The following EPHA8 variants were observed in gnomAD, a reference collection of about 807,000 sequenced individuals.
The protein encoded by EPHA8 is ephrin type-A receptor 8.
In EPHA8, 58 loss-of-function variants were observed where a neutral mutation model predicts 103.6. The observed-to-expected ratio is 0.56, with a 90% CI of 0.45 to 0.70. EPHA8 has a LOEUF of 0.70. Ranked by LOEUF, EPHA8 falls within the 30% of genes least tolerant of loss-of-function variation. The pLI is 0.00. For missense variants in EPHA8, 1,304 were observed against 1,395.2 expected (o/e 0.93, Z 1.04); for synonymous variants, 559 against 572.5 (o/e 0.98, Z 0.34).
At chr1:22,596,268 G>A in intron 9 of EPHA8, 95 bp downstream of exon 9, 2 of 1,292,508 alleles carry the variant, frequency 1.5e-6, no homozygotes, top group Non-Finnish European at 2.2e-6. Flanking sequence ...GGAGGAAGGT[G>A]CCCAGTGAAA....
At position 22,568,937 on chromosome 1, in the gene EPHA8, C is replaced by A. The variant is rs188389566; in HGVS notation, c.95-352C>A. Among the ~76,000 whole-genome samples, 85 of 152,364 alleles carry A rather than the reference C, an allele frequency of 5.6e-4. No individual in the cohort carries two copies. The East Asian group carries it at 0.015, about 27-fold the overall frequency. On this transcript the variant is annotated intron_variant, in intron 1 of 16. Coordinates refer to ENST00000166244, the MANE Select transcript of EPHA8 (RefSeq NM_020526.5). ...GTGAGGGGGCTTGCCCAGGGACTCA[C>A]AGCTCCTAAGTGGCACAACTGGGAT...
chr1:22,576,659 A>G lies in EPHA8; in HGVS notation c.602A>G (p.Tyr201Cys), dbSNP rs747263088. The G allele has an allele frequency of 4.3e-6, 7 of 1,613,700 alleles. No individual in the cohort carries two copies. In the African/African-American group the frequency reaches 5.3e-5, roughly 12 times the overall value. Reference sequence around the variant, plus strand: ...GCCATCCTCTCTCTCCGCATCTACTATAAGAAGTGCCCTGCCATGGTGCGC... The same window carrying G: ...GCCATCCTCTCTCTCCGCATCTACTGTAAGAAGTGCCCTGCCATGGTGCGC... Reference protein sequence around the residue: ...CLAILSLRIYYKKCPAMVRNL... With the variant: ...CLAILSLRIYCKKCPAMVRNL... The change falls in exon 3 of 17, where the codon TAT (tyrosine) becomes TGT (cysteine). Residue 201 changes from tyrosine to cysteine, a missense_variant. Coordinates refer to ENST00000166244, the MANE Select transcript of EPHA8 (RefSeq NM_020526.5). This position sits in a 1 kb window ranked among gnomAD's most constrained non-coding sequence, Gnocchi z 4.8.
At position 22,601,342 on chromosome 1, in the gene EPHA8, AG is replaced by A. The variant is rs775776188; in HGVS notation, c.2777del (p.Gly926AlafsTer40). 4.4e-6 allele frequency: 7 copies of A among 1,607,104 alleles called. No individual in the cohort carries two copies. Among genetic ancestry groups the A allele is most frequent in the Admixed American group, 1.7e-5 (1 of 57,834 alleles). ...TCGTCCGGAGCTGCTTTGACCTCCG[AG>A]GGGGCAGCGGTGGCGGTGGGGGCCT... ...AFVRSCFDLR[G>X]GSGGGGGLTV... On this transcript the variant is annotated frameshift_variant, in exon 16 of 17. Transcript: ENST00000166244. LOFTEE classifies it high-confidence loss of function.
chr1:22,579,840 T>C (rs1309798985), intron 3 of EPHA8, among the ~76,000 whole-genome samples: 1 of 152,198 alleles, frequency 6.6e-6, no homozygotes, highest in Non-Finnish European at 1.5e-5. Context: ...GCTGGGAATA[T>C]GCTTCTAGCC....
At chr1:22,583,352 C>T (rs1569992684) in intron 3 of EPHA8, among the ~76,000 whole-genome samples, 1 of 152,348 alleles carries the variant, frequency 6.6e-6, no homozygotes, top group South Asian at 2.1e-4. Flanking sequence ...GGCCTTGACA[C>T]ATTATAGCCA....
At chr1:22,578,739 ATG>A (rs1236421286) in intron 3 of EPHA8, among the ~76,000 whole-genome samples, 9 of 145,352 alleles carry the variant, frequency 6.2e-5, no homozygotes, top group African/African-American at 2.1e-4. Context: ...GTGCAAGTGT[ATG>A]TACGGATTTG....
At chr1:22,579,124 T>C (rs1040534654) in intron 3 of EPHA8, among the ~76,000 whole-genome samples, 22 of 128,070 alleles carry the variant, frequency 1.7e-4, no homozygotes, top group Non-Finnish European at 3.3e-4. Flanking sequence ...TGTACGTGTA[T>C]GTGTGCATGT....
At chr1:22,573,756 G>T (rs1169752060) in intron 2 of EPHA8, among the ~76,000 whole-genome samples, 4 of 152,170 alleles carry the variant, frequency 2.6e-5, no homozygotes, top group African/African-American at 9.7e-5. Context: ...CTCAGCAGCC[G>T]AGGAAGCTAG....
At position 22,598,931 on chromosome 1, in the gene EPHA8, C is replaced by T; in HGVS notation, c.2272C>T (p.His758Tyr). The T allele has an allele frequency of 6.2e-7, 1 of 1,612,800 alleles. No homozygotes were observed. Among genetic ancestry groups the T allele is most frequent in the East Asian group, 2.2e-5 (1 of 44,830 alleles). Residue 758 changes from histidine (H) to tyrosine (Y), a missense_variant, in exon 13 of 17, where the codon CAC becomes TAC. By Grantham distance (83) the His-to-Tyr change is moderately conservative (BLOSUM62 2). Transcript: ENST00000166244. This position sits in a 1 kb window ranked among gnomAD's most constrained non-coding sequence, Gnocchi z 5.1. Reference protein sequence around the residue: ...MRYLSDLGYVHRDLAARNVLV... With the variant: ...MRYLSDLGYVYRDLAARNVLV... ...CTACCTCTCAGACCTGGGCTATGTCCACCGAGACCTGGCCGCCCGCAACGT... is the reference window on the plus strand; with the variant it reads ...CTACCTCTCAGACCTGGGCTATGTCTACCGAGACCTGGCCGCCCGCAACGT...
At chr1:22,585,870 C>T (rs1409377563) in intron 3 of EPHA8, among the ~76,000 whole-genome samples, 5 of 152,192 alleles carry the variant, frequency 3.3e-5, no homozygotes, top group African/African-American at 4.8e-5. Context: ...CCTGGCTCTT[C>T]TAACTCAGCT....
Position 22,594,739 on chromosome 1 carries a change from C to A in EPHA8, c.1604-491C>A, listed in dbSNP as rs893694889. Among the ~76,000 whole-genome samples the A allele has an allele frequency of 1.3e-5, 2 of 152,204 alleles. 1 individual carries two copies. The highest frequency in any genetic ancestry group is 2.9e-5 in the Non-Finnish European group (2 of 68,032). ...CCCTGGAGACCACCCAGATGGGAAT[C>A]CTGAGCCCTCCATCCCATGTACTGT... On this transcript the variant is annotated intron_variant, in intron 7 of 16. Coordinates refer to ENST00000166244, the MANE Select transcript of EPHA8 (RefSeq NM_020526.5).
chr1:22,575,244 C>T (rs551151616), intron 2 of EPHA8, among the ~76,000 whole-genome samples: 10 of 146,730 alleles, frequency 6.8e-5, no homozygotes, highest in Non-Finnish European at 1.0e-4. Context: ...AGCCACCGCA[C>T]CTGGCCTTAT....
Position 22,600,795 on chromosome 1 carries a change from C to T in EPHA8, c.2523C>T (p.Asn841=). 1 of 1,608,206 alleles carries T rather than the reference C, an allele frequency of 6.2e-7. No individual in the cohort carries two copies. The highest frequency in any genetic ancestry group is 1.1e-5 in the South Asian group (1 of 90,198). Residue 841 remains asparagine, a synonymous_variant, in exon 14 of 17, where the codon AAC becomes AAT. Coordinates refer to ENST00000166244, the MANE Select transcript of EPHA8 (RefSeq NM_020526.5). Reference sequence around the variant, plus strand: ...CCTATGGGGAGCGGCCCTACTGGAACATGACCAACCGGGATGTGAGTGCCA... The same window carrying T: ...CCTATGGGGAGCGGCCCTACTGGAATATGACCAACCGGGATGTGAGTGCCA... The part of the protein sequence containing the change: ...VLAYGERPYW[N]MTNRDVISSV...
Position 22,599,040 on chromosome 1 carries a change from C to T in EPHA8, c.2381C>T (p.Thr794Ile), listed in dbSNP as rs1641604711. The change falls in exon 13 of 17, where the codon ACC becomes ATC. Residue 794 changes from threonine (T) to isoleucine (I), a missense_variant. By Grantham distance (89) the Thr-to-Ile change is moderately conservative. Transcript: ENST00000166244. ...GAGGACGACCCGGATGCTGCCTACA[C>T]CACCACGGTGCGTCGCCCACACTCC... The part of the protein sequence containing the change: ...VLEDDPDAAY[T>I]TTGGKIPIRW... 2 of 1,602,542 alleles carry T rather than the reference C, an allele frequency of 1.2e-6. No individual in the cohort carries two copies. The highest frequency in any genetic ancestry group is 1.7e-6 in the Non-Finnish European group (2 of 1,175,220).
At chr1:22,585,045 G>GTA (rs1220152042) in intron 3 of EPHA8, among the ~76,000 whole-genome samples, 1 of 124,544 alleles carries the variant, frequency 8.0e-6, no homozygotes, top group Non-Finnish European at 1.6e-5. Flanking sequence ...GTGTGTGTGT[G>GTA]TGTGTGCGCA....
Position 22,578,353 on chromosome 1 carries a change from T to C in EPHA8, c.823+1473T>C, listed in dbSNP as rs557190194. Among the ~76,000 whole-genome samples the C allele has an allele frequency of 1.4e-4, 21 of 150,402 alleles. 1 individual carries two copies. In the South Asian group the frequency reaches 4.0e-3, roughly 29 times the overall value. Reference sequence around the variant, plus strand: ...GCATGAGTGTATGCATGTGTGTATGTGTGCGTGCATGTGTGCGTGCTTTAG... The same window carrying C: ...GCATGAGTGTATGCATGTGTGTATGCGTGCGTGCATGTGTGCGTGCTTTAG... On this transcript the variant is annotated intron_variant, in intron 3 of 16. Transcript: ENST00000166244.
At chr1:22,590,749 T>G (rs1641350471) in intron 5 of EPHA8, among the ~76,000 whole-genome samples, 1 of 124,816 alleles carries the variant, frequency 8.0e-6, no homozygotes, top group Non-Finnish European at 1.8e-5. Context: ...CCCATGACTT[T>G]GAATTCCACC....
intron 8 of EPHA8, among the ~76,000 whole-genome samples, chr1:22,595,598 C>T (rs950783498): frequency 3.3e-5 from 5 of 152,208 alleles, no homozygotes; most frequent in Non-Finnish European, 7.3e-5. Context: ...GTCTGTCAAA[C>T]TCAAGCCCAT....
intron 3 of EPHA8, among the ~76,000 whole-genome samples, chr1:22,580,989 A>G (rs492053): frequency 0.95 from 145,135 of 152,340 alleles, 69,153 homozygotes; most frequent in South Asian, 0.97. Context: ...TGATGTAATA[A>G]TTATCCATTC....
Sources: allele counts gnomAD v4.1 joint callset (sites outside exome capture counted in the v4.1 genomes callset), GRCh38; gene constraint gnomAD v4.1.1; non-coding constraint Gnocchi (gnomAD v3.1); transcripts MANE v1.5; gene names NCBI Gene and HGNC (gene_info 2026-07-23, HGNC 2026-07-21).